Variants in PIK3CB observed in about 807,000 individuals in gnomAD.
PIK3CB encodes phosphatidylinositol 4,5-bisphosphate 3-kinase catalytic subunit beta isoform.
A neutral mutation model predicts 136.8 loss-of-function variants in PIK3CB; 39 were observed. The ratio of observed to expected loss-of-function variants is 0.29; its 90% CI spans 0.22 to 0.37. The LOEUF is 0.37. PIK3CB is among the 10% of genes least tolerant of loss of function. The pLI, the probability that PIK3CB is intolerant of heterozygous loss-of-function variation, is 1.00. For missense variants in PIK3CB, 868 were observed against 1,275.4 expected, an observed-to-expected ratio of 0.68 and a Z score of 4.87; for synonymous variants, 428 against 436.6, an observed-to-expected ratio of 0.98 and a Z score of 0.25.
chr3:138,717,029 G>A (rs2044623856), intron 8 of PIK3CB, among the ~76,000 whole-genome samples: 1 of 151,662 alleles, frequency 6.6e-6, no homozygotes, highest in African/African-American at 2.4e-5. Flanking sequence ...GCCGAGGCAG[G>A]CGGATCATGA....
intron 2 of PIK3CB, among the ~76,000 whole-genome samples, chr3:138,784,575 G>A (rs1054788169): frequency 6.6e-5 from 10 of 152,154 alleles, no homozygotes; most frequent in African/African-American, 2.2e-4. Flanking sequence ...GATTGCAGGC[G>A]CGCGCCGCCA....
intron 1 of PIK3CB, among the ~76,000 whole-genome samples, chr3:138,812,041 T>C (rs944308572): frequency 2.0e-5 from 3 of 152,094 alleles, no homozygotes; most frequent in Non-Finnish European, 2.9e-5. Context: ...CAGTGAGTTA[T>C]GATCGTACCA....
At chr3:138,830,626 G>T (rs1003284660) in intron 1 of PIK3CB, among the ~76,000 whole-genome samples, 5 of 151,986 alleles carry the variant, frequency 3.3e-5, no homozygotes, top group African/African-American at 1.2e-4. Context: ...AGCAGGGGCC[G>T]GAGTGGATGA....
intron 8 of PIK3CB, among the ~76,000 whole-genome samples, chr3:138,719,813 TATG>T (rs889082095): frequency 6.6e-6 from 1 of 152,144 alleles, no homozygotes; most frequent in African/African-American, 2.4e-5. Flanking sequence ...AAAAATTCTG[TATG>T]ATATTATATA....
chr3:138,704,826 G>C (rs1459300388), intron 11 of PIK3CB, among the ~76,000 whole-genome samples: 1 of 152,000 alleles, frequency 6.6e-6, no homozygotes, highest in East Asian at 1.9e-4. Flanking sequence ...AAACATGTAA[G>C]AGTTACTAAA....
At chr3:138,677,634 T>G (rs2108464388) in intron 19 of PIK3CB, among the ~76,000 whole-genome samples, 1 of 152,334 alleles carries the variant, frequency 6.6e-6, no homozygotes, top group South Asian at 2.1e-4. Context: ...CGGTGACTCA[T>G]GCCTGTAATC....
At chr3:138,696,585 G>A (rs1047082919) in intron 13 of PIK3CB, among the ~76,000 whole-genome samples, 1 of 151,980 alleles carries the variant, frequency 6.6e-6, no homozygotes, top group Non-Finnish European at 1.5e-5. Context: ...ATACAAATAC[G>A]TACATGAAAA....
chr3:138,807,171 T>G (rs2046243225), intron 1 of PIK3CB, among the ~76,000 whole-genome samples: 1 of 152,208 alleles, frequency 6.6e-6, no homozygotes, highest in Non-Finnish European at 1.5e-5. Context: ...CAGTGGCTCA[T>G]GCCTATAACC....
At position 138,654,432 on chromosome 3, in the gene PIK3CB, G is replaced by A; in HGVS notation, c.*957C>T. 4.4e-6 allele frequency: 1 copy of A among 226,774 alleles called. No individual in the cohort carries two copies. Among genetic ancestry groups the A allele is most frequent in the East Asian group, 6.4e-5 (1 of 15,638 alleles). 14.0% of individuals were successfully genotyped at this position (226,774 alleles called of 1,614,324 possible). The stretch of plus-strand genomic sequence containing the variant: ...TTAATAAATACAGTAAGAAGAGCTG[G>A]CATTTTTCTAAAATACTGAATTTCA... On this transcript the variant is annotated 3_prime_UTR_variant, in exon 24 of 24. Coordinates refer to ENST00000674063, the MANE Select transcript of PIK3CB (RefSeq NM_006219.3).
chr3:138,695,708 T>C (rs2044121800), intron 13 of PIK3CB, among the ~76,000 whole-genome samples: 1 of 152,112 alleles, frequency 6.6e-6, no homozygotes, highest in South Asian at 2.1e-4. Flanking sequence ...GAATGATTTT[T>C]TAAAATTTAA....
chr3:138,696,699 C>T (rs1216585944), intron 13 of PIK3CB, among the ~76,000 whole-genome samples: 3 of 152,102 alleles, frequency 2.0e-5, no homozygotes, highest in Non-Finnish European at 2.9e-5. Context: ...TTGAGAAATA[C>T]TGATATAAAG....
intron 1 of PIK3CB, among the ~76,000 whole-genome samples, chr3:138,807,996 A>G (rs2046252904): frequency 6.6e-6 from 1 of 151,908 alleles, no homozygotes; most frequent in African/African-American, 2.4e-5. Flanking sequence ...TTTTAAAAAC[A>G]CAATTAAGCA....
At chr3:138,688,748 G>C in intron 16 of PIK3CB, 127 bp downstream of exon 16, 1 of 574,008 alleles carries the variant, frequency 1.7e-6, no homozygotes, top group Non-Finnish European at 3.2e-6. Context: ...GGGAGAAATG[G>C]CATTTGATAA....
In PIK3CB at chr3:138,652,747, A is replaced by G. The variant is rs1230034406; in HGVS notation, c.*2642T>C. On this transcript the variant is annotated 3_prime_UTR_variant, in exon 24 of 24. Coordinates refer to ENST00000674063, the MANE Select transcript of PIK3CB (RefSeq NM_006219.3). ...TAGATCTTAAAATAACTAAAAGAGT[A>G]TAACTGGATTGTTTCTAATACAAAG... is the stretch of plus-strand genomic sequence containing the variant. 9 of 220,460 alleles carry G rather than the reference A, an allele frequency of 4.1e-5. No homozygotes were observed. The highest frequency in any genetic ancestry group is 7.3e-5 in the Non-Finnish European group (8 of 110,206). 13.7% of individuals were successfully genotyped at this position (220,460 alleles called of 1,614,324 possible).
In PIK3CB at chr3:138,662,113, C is replaced by T. The variant is rs1373954596; in HGVS notation, c.2796+1793G>A. 9.3e-4 allele frequency among the ~76,000 whole-genome samples: 126 copies of T among 136,136 alleles called. 1 individual carries two copies. The highest frequency in any genetic ancestry group is 5.0e-4 in the Non-Finnish European group (31 of 62,100). The allele number at this position is 136,136 out of a possible 152,430, so 89.3% of individuals were successfully genotyped here. Reference sequence around the variant, plus strand: ...ACTTTTTTTTTTTAGCATTGGTAATCTTTTTTTTTTTTTTTATTTTAAGTT... The same window carrying T: ...ACTTTTTTTTTTTAGCATTGGTAATTTTTTTTTTTTTTTTTATTTTAAGTT... On this transcript the variant is annotated intron_variant, in intron 21 of 23. Transcript: ENST00000674063.
intron 1 of PIK3CB, among the ~76,000 whole-genome samples, chr3:138,813,652 C>G (rs1559888746): frequency 6.6e-6 from 1 of 151,966 alleles, no homozygotes; most frequent in Admixed American, 6.6e-5. Flanking sequence ...CTCCTGACCT[C>G]GTGATCTGCC....
At chr3:138,759,677 A>C (rs1005564254) in intron 2 of PIK3CB, among the ~76,000 whole-genome samples, 2 of 152,086 alleles carry the variant, frequency 1.3e-5, no homozygotes, top group African/African-American at 4.8e-5. Flanking sequence ...ACACACACAC[A>C]CCACATTGAT....
chr3:138,685,420 A>AAAAAAAAAAAAAAAAAAAAAAAAAG (rs2043866681), intron 16 of PIK3CB, among the ~76,000 whole-genome samples: 1 of 86,926 alleles, frequency 1.2e-5, no homozygotes, highest in African/African-American at 3.4e-5. Context: ...AAAAAAAAAA[A>AAAAAAAAAAAAAAAAAAAAAAAAAG]AAAGAAAGAA....
At position 138,810,515 on chromosome 3, in the gene PIK3CB, C is replaced by T. The variant is rs78464308; in HGVS notation, c.-121-13948G>A. The stretch of plus-strand genomic sequence containing the variant: ...TTCCGTGGTCTTCCTCGCAAAAACC[C>T]GTAATTCCAGTCTAATCATTAAAAA... On this transcript the variant is annotated intron_variant, in intron 1 of 23. Transcript: ENST00000674063. 3.8e-3 allele frequency among the ~76,000 whole-genome samples: 570 copies of T among 151,816 alleles called. 5 individuals carry two copies. The highest frequency in any genetic ancestry group is 0.013 in the African/African-American group (547 of 41,368).
Sources: gnomAD v4.1 joint callset for allele counts (sites outside exome capture counted in the v4.1 genomes callset) on GRCh38, gnomAD v4.1.1 for gene constraint, MANE v1.5 for transcripts, NCBI Gene and HGNC (gene_info 2026-07-23, HGNC 2026-07-21) for gene names.